CACNA2D3: variants seen among roughly 807,000 people sequenced by gnomAD.
CACNA2D3 encodes calcium voltage-gated channel auxiliary subunit alpha2delta 3, also known as voltage-dependent calcium channel subunit alpha-2/delta-3.
CACNA2D3 carries 60 observed loss-of-function variants against 160.6 expected under a neutral mutation model. The ratio of observed to expected loss-of-function variants is 0.37; its 90% confidence interval spans 0.30 to 0.46. The LOEUF (loss-of-function observed/expected upper bound fraction) is 0.46, where lower values mean the gene tolerates loss of function less well. CACNA2D3 is among the 20% of genes least tolerant of loss of function. CACNA2D3 has a pLI of 1.00. For synonymous variants in CACNA2D3, 558 were observed against 492.9 expected (o/e 1.13, Z -1.75); for missense variants, 1,205 against 1,365.0 (o/e 0.88, Z 1.85).
chr3:54,754,101 T>C (rs1203979657), intron 12 of CACNA2D3, among the ~76,000 whole-genome samples: 1 of 152,220 alleles, frequency 6.6e-6, no homozygotes, highest in African/African-American at 2.4e-5. Context: ...AGCTTTTTTA[T>C]ATTCATAAGG....
chr3:54,503,770 G>T (rs1701328071), intron 5 of CACNA2D3, 116 bp downstream of exon 5: 2 of 852,258 alleles, frequency 2.3e-6, no homozygotes, highest in African/African-American at 1.7e-5. Context: ...GAAAAGCACA[G>T]TTATAAGCTG....
intron 4 of CACNA2D3, among the ~76,000 whole-genome samples, chr3:54,389,586 A>G (rs1283889708): frequency 1.3e-5 from 2 of 152,224 alleles, no homozygotes; most frequent in African/African-American, 4.8e-5. Flanking sequence ...TAATGAGACA[A>G]AGTGACATCA....
At chr3:54,576,373 C>T (rs1186518417) in intron 8 of CACNA2D3, among the ~76,000 whole-genome samples, 1 of 152,160 alleles carries the variant, frequency 6.6e-6, no homozygotes, top group Non-Finnish European at 1.5e-5. Context: ...GAGGGTCTAG[C>T]CCATTTGCAT....
intron 16 of CACNA2D3, among the ~76,000 whole-genome samples, chr3:54,840,209 A>G (rs1698788830): frequency 6.6e-6 from 1 of 152,124 alleles, no homozygotes; most frequent in Non-Finnish European, 1.5e-5. Context: ...CATGACAAGG[A>G]ACCAGTAACA....
chr3:54,601,210 GTTT>G (rs1703053766), intron 9 of CACNA2D3, among the ~76,000 whole-genome samples: 1 of 152,098 alleles, frequency 6.6e-6, no homozygotes, highest in Admixed American at 6.5e-5. Flanking sequence ...TTTTGTTTTG[GTTT>G]TCTTTGTAGA....
intron 17 of CACNA2D3, among the ~76,000 whole-genome samples, chr3:54,869,706 C>G (rs929603004): frequency 3.3e-5 from 5 of 152,158 alleles, no homozygotes; most frequent in African/African-American, 9.7e-5. Context: ...CAGGGGGACA[C>G]TACTATCCCT....
chr3:54,225,615 T>C (rs986934744), intron 2 of CACNA2D3, among the ~76,000 whole-genome samples: 16 of 152,260 alleles, frequency 1.1e-4, no homozygotes, highest in African/African-American at 3.9e-4. Context: ...TGAAACCTCT[T>C]AATTTCTCAG....
chr3:54,189,280 G>A (rs1460106861), intron 2 of CACNA2D3, among the ~76,000 whole-genome samples: 1 of 152,192 alleles, frequency 6.6e-6, no homozygotes, highest in African/African-American at 2.4e-5. Context: ...TTAAGAAGAG[G>A]CTTCCCATGA....
At chr3:54,390,088 T>C (rs553810591) in intron 4 of CACNA2D3, among the ~76,000 whole-genome samples, 1 of 152,296 alleles carries the variant, frequency 6.6e-6, no homozygotes, top group East Asian at 1.9e-4. Flanking sequence ...ATGGCTCATG[T>C]GGTCAGTTTT....
rs539443572 is a variant in CACNA2D3, at chr3:54,806,167, A to C, written c.1381-10686A>C. On this transcript the variant is annotated intron_variant, in intron 13 of 37. Transcript: ENST00000474759. The stretch of plus-strand genomic sequence containing the variant: ...CAAGACAGAGATGCCCTCTCTCACC[A>C]CTCCTATTCAACATAGTGTTGGAAG... Among the ~76,000 whole-genome samples the C allele has an allele frequency of 4.6e-5, 7 of 152,154 alleles. No homozygotes were observed. The East Asian group carries it at 1.4e-3, about 29-fold the overall frequency.
chr3:54,211,012 A>G (rs1701362048), intron 2 of CACNA2D3, among the ~76,000 whole-genome samples: 1 of 152,210 alleles, frequency 6.6e-6, no homozygotes, highest in Non-Finnish European at 1.5e-5. Flanking sequence ...TTAAGCGTCA[A>G]ACAGGTATGA....
chr3:54,479,208 C>G (rs1321153809), intron 4 of CACNA2D3, among the ~76,000 whole-genome samples: 1 of 152,124 alleles, frequency 6.6e-6, no homozygotes, highest in East Asian at 1.9e-4. Flanking sequence ...TGAAGAAGGA[C>G]ATGTTTGCTT....
intron 27 of CACNA2D3, among the ~76,000 whole-genome samples, chr3:54,953,519 G>A (rs1211742861): frequency 2.6e-5 from 4 of 152,184 alleles, no homozygotes; most frequent in Non-Finnish European, 2.9e-5. Context: ...CATGCTGTGC[G>A]TAGAGGAAAA....
chr3:54,232,826 T>C (rs990298572), intron 2 of CACNA2D3, among the ~76,000 whole-genome samples: 2 of 152,246 alleles, frequency 1.3e-5, no homozygotes, highest in East Asian at 1.9e-4. Flanking sequence ...TATTGTAAAC[T>C]GTGCCCTTAT....
chr3:54,437,571 C>T (rs1483173302), intron 4 of CACNA2D3, among the ~76,000 whole-genome samples: 4 of 152,180 alleles, frequency 2.6e-5, no homozygotes, highest in Non-Finnish European at 4.4e-5. Flanking sequence ...TATGGTAGGC[C>T]TTCAGCCAAG....
At chr3:54,371,444 C>T (rs546494434) in intron 3 of CACNA2D3, among the ~76,000 whole-genome samples, 26 of 152,188 alleles carry the variant, frequency 1.7e-4, no homozygotes, top group Admixed American at 7.2e-4. Flanking sequence ...ACAACTTCAT[C>T]GAGATATAAT....
chr3:54,297,705 C>T (rs1256738916), intron 2 of CACNA2D3, among the ~76,000 whole-genome samples: 42 of 138,506 alleles, frequency 3.0e-4, no homozygotes, highest in African/African-American at 1.1e-3. Context: ...TCCCCTCTCC[C>T]CGCCACCAAA....
chr3:54,198,220 A>G (rs903065968), intron 2 of CACNA2D3, among the ~76,000 whole-genome samples: 6 of 152,208 alleles, frequency 3.9e-5, no homozygotes, highest in Non-Finnish European at 8.8e-5. Flanking sequence ...CCATCCTCTA[A>G]TAGGCTCCTT....
chr3:54,806,155 C>T (rs1178840182), intron 13 of CACNA2D3, among the ~76,000 whole-genome samples: 2 of 152,196 alleles, frequency 1.3e-5, no homozygotes, highest in African/African-American at 4.8e-5. Flanking sequence ...GACAGAGATG[C>T]CCTCTCTCAC....
Sources: allele counts gnomAD v4.1 joint callset (sites outside exome capture counted in the v4.1 genomes callset), GRCh38; gene constraint gnomAD v4.1.1; transcripts MANE v1.5; gene names NCBI Gene and HGNC (gene_info 2026-07-23, HGNC 2026-07-21).